Variants in UST observed in about 807,000 individuals in gnomAD.
UST encodes uronyl 2-sulfotransferase.
In UST, 21 loss-of-function variants were observed where a neutral mutation model predicts 45.6. That is an observed-to-expected ratio of 0.46 (90% confidence interval 0.33 to 0.66). UST has a LOEUF of 0.66. UST is among the 30% of genes least tolerant of loss of function. The pLI is 0.02. For missense variants in UST, 463 were observed against 512.4 expected (o/e 0.90, Z 0.93); for synonymous variants, 215 against 200.6 (o/e 1.07, Z -0.61).
chr6:148,926,813 A>G (rs1779822260), intron 2 of UST, among the ~76,000 whole-genome samples: 1 of 152,186 alleles, frequency 6.6e-6, no homozygotes, highest in Non-Finnish European at 1.5e-5. Flanking sequence ...AGCTGGGCAT[A>G]TTGTTACCTA....
intron 1 of UST, among the ~76,000 whole-genome samples, chr6:148,754,250 C>T (rs1776050153): frequency 1.3e-5 from 2 of 152,282 alleles, no homozygotes; most frequent in African/African-American, 4.8e-5. Flanking sequence ...CCCGCCTCGG[C>T]CTCCCAAAGT....
intron 1 of UST, among the ~76,000 whole-genome samples, chr6:148,848,463 G>C (rs997808968): frequency 1.3e-5 from 2 of 152,176 alleles, no homozygotes. Flanking sequence ...ATGAGGTCGA[G>C]AGATCGAGTC....
intron 1 of UST, among the ~76,000 whole-genome samples, chr6:148,792,061 G>T (rs1299081856): frequency 6.6e-6 from 1 of 152,164 alleles, no homozygotes; most frequent in African/African-American, 2.4e-5. Flanking sequence ...GGGAAAGTGG[G>T]TCTGAGAAGA....
At chr6:148,933,615 T>C (rs1218956316) in intron 2 of UST, among the ~76,000 whole-genome samples, 1 of 152,098 alleles carries the variant, frequency 6.6e-6, no homozygotes, top group African/African-American at 2.4e-5. Context: ...AATTCTGAGA[T>C]CGGTTCTGTG....
intron 1 of UST, among the ~76,000 whole-genome samples, chr6:148,830,083 C>T (rs896940581): frequency 6.6e-6 from 1 of 152,172 alleles, no homozygotes; most frequent in Non-Finnish European, 1.5e-5. Flanking sequence ...AACAGCAAAA[C>T]CTGAGATCTG....
At chr6:149,011,828 A>G (rs1239287253) in intron 5 of UST, among the ~76,000 whole-genome samples, 2 of 151,060 alleles carry the variant, frequency 1.3e-5, no homozygotes. Context: ...CAAACAAACA[A>G]AAAGGCATTT....
chr6:148,773,828 C>T (rs567693598), intron 1 of UST, among the ~76,000 whole-genome samples: 3 of 152,244 alleles, frequency 2.0e-5, no homozygotes, highest in Non-Finnish European at 4.4e-5. Context: ...AGACTTCCAG[C>T]GGGATGGGCG....
At chr6:148,822,831 A>T (rs953743791) in intron 1 of UST, among the ~76,000 whole-genome samples, 2 of 152,246 alleles carry the variant, frequency 1.3e-5, no homozygotes, top group African/African-American at 4.8e-5. Context: ...TATATATATT[A>T]TGGATAGTGC....
intron 5 of UST, among the ~76,000 whole-genome samples, chr6:149,003,060 T>C (rs2486390): frequency 0.92 from 140,134 of 152,234 alleles, 64,883 homozygotes; most frequent in Non-Finnish European, 0.95. Context: ...GAGATTCCAG[T>C]TTGAATTGTT....
chr6:148,975,281 A>T (rs940861670), intron 5 of UST, among the ~76,000 whole-genome samples: 4 of 152,150 alleles, frequency 2.6e-5, no homozygotes, highest in African/African-American at 9.7e-5. Flanking sequence ...TTATGTTTTG[A>T]ACTAAAATGT....
At chr6:149,012,934 A>C (rs534238878) in intron 5 of UST, among the ~76,000 whole-genome samples, 1 of 152,322 alleles carries the variant, frequency 6.6e-6, no homozygotes, top group East Asian at 1.9e-4. Flanking sequence ...GTGGCAGGTA[A>C]AGTAACTGGT....
At chr6:148,914,240 A>C (rs1260244287) in intron 2 of UST, among the ~76,000 whole-genome samples, 4 of 152,204 alleles carry the variant, frequency 2.6e-5, no homozygotes, top group African/African-American at 4.8e-5. Context: ...TACAGTCTTA[A>C]CTTTAAGTAT....
intron 7 of UST, among the ~76,000 whole-genome samples, chr6:149,069,665 T>C (rs1416247358): frequency 6.6e-6 from 1 of 152,234 alleles, no homozygotes; most frequent in Non-Finnish European, 1.5e-5. Context: ...AGTTTTATTG[T>C]CATGAACTAG....
At chr6:148,838,008 A>G (rs950185614) in intron 1 of UST, among the ~76,000 whole-genome samples, 1 of 152,210 alleles carries the variant, frequency 6.6e-6, no homozygotes, top group African/African-American at 2.4e-5. Flanking sequence ...TGGAACTTAC[A>G]TTCTTGGAGG....
intron 1 of UST, among the ~76,000 whole-genome samples, chr6:148,883,652 C>A (rs540629722): frequency 6.6e-6 from 1 of 152,302 alleles, no homozygotes; most frequent in South Asian, 2.1e-4. Context: ...TACCATCATT[C>A]TCTTCATTTA....
intron 1 of UST, among the ~76,000 whole-genome samples, chr6:148,880,536 C>T (rs567230195): frequency 1.3e-5 from 2 of 152,332 alleles, no homozygotes; most frequent in South Asian, 4.1e-4. Flanking sequence ...ATACAAAGTC[C>T]TCCAAGTGCT....
At chr6:149,048,137 TAA>T (rs1562339146) in intron 7 of UST, among the ~76,000 whole-genome samples, 4 of 151,678 alleles carry the variant, frequency 2.6e-5, no homozygotes, top group Non-Finnish European at 5.9e-5. Context: ...ATTTTTTTTT[TAA>T]TGAAAATATG....
In UST at chr6:148,857,610, C is replaced by T. The variant is rs542296760; in HGVS notation, c.248-29376C>T. ...ACTCAGAAAAGCTGAGTGGCTTGACCGATATTGTAGAGCTTATTCATGGTG... is the reference window on the plus strand; with the variant it reads ...ACTCAGAAAAGCTGAGTGGCTTGACTGATATTGTAGAGCTTATTCATGGTG... On this transcript the variant is annotated intron_variant, in intron 1 of 7. Transcript: ENST00000367463. 5.3e-5 allele frequency among the ~76,000 whole-genome samples: 8 copies of T among 152,054 alleles called. No individual in the cohort carries two copies. The Middle Eastern group carries it at 0.01, about 194-fold the overall frequency.
At chr6:149,031,289 A>G (rs1776136597) in intron 7 of UST, among the ~76,000 whole-genome samples, 1 of 152,164 alleles carries the variant, frequency 6.6e-6, no homozygotes. Context: ...TTAAAAATGA[A>G]CACATAATGT....
Sources: allele counts gnomAD v4.1 joint callset (sites outside exome capture counted in the v4.1 genomes callset), GRCh38; gene constraint gnomAD v4.1.1; transcripts MANE v1.5; gene names NCBI Gene and HGNC (gene_info 2026-07-23, HGNC 2026-07-21).